Variants in LMBRD1 observed in about 807,000 individuals in gnomAD.
LMBRD1 encodes lysosomal cobalamin transport escort protein LMBD1.
Under a neutral mutation model 74.8 loss-of-function variants are expected in LMBRD1, and 64 were observed. The observed-to-expected ratio is 0.86, with a 90% CI of 0.70 to 1.05. LMBRD1 has a LOEUF of 1.05. Among genes scored for constraint, LMBRD1 ranks in the 50% least tolerant of loss-of-function variants. The probability of loss-of-function intolerance (pLI) is 0.00; values close to 1 mark genes in which losing one functional copy is unlikely to be tolerated. For synonymous variants in LMBRD1, 204 were observed against 216.3 expected (o/e 0.94, Z 0.50); for missense variants, 652 against 645.9 (o/e 1.01, Z -0.10).
chr6:69,682,600 A>C (rs1765686493), intron 14 of LMBRD1, among the ~76,000 whole-genome samples: 1 of 152,016 alleles, frequency 6.6e-6, no homozygotes, highest in Non-Finnish European at 1.5e-5. Context: ...GTATAATCAC[A>C]ATCTGTATAA....
intron 8 of LMBRD1, among the ~76,000 whole-genome samples, chr6:69,717,827 A>C (rs908297689): frequency 7.2e-5 from 11 of 152,110 alleles, no homozygotes; most frequent in Non-Finnish European, 1.5e-4. Flanking sequence ...TCTCCCAAGT[A>C]GTTGGGACTA....
At chr6:69,703,226 TAC>T (rs1562091022) in intron 9 of LMBRD1, among the ~76,000 whole-genome samples, 1 of 152,024 alleles carries the variant, frequency 6.6e-6, no homozygotes, top group Non-Finnish European at 1.5e-5. Flanking sequence ...AAAGGAGTTA[TAC>T]TTTTTTTTCT....
At chr6:69,683,554 C>T (rs1765704692) in intron 14 of LMBRD1, among the ~76,000 whole-genome samples, 1 of 152,050 alleles carries the variant, frequency 6.6e-6, no homozygotes, top group Non-Finnish European at 1.5e-5. Flanking sequence ...TTGTGCTACA[C>T]ATCTTATGGG....
intron 14 of LMBRD1, among the ~76,000 whole-genome samples, chr6:69,690,501 T>C (rs1461155904): frequency 1.3e-5 from 2 of 152,308 alleles, no homozygotes; most frequent in African/African-American, 2.4e-5. Flanking sequence ...ATATGAAATA[T>C]TAGATTTACA....
chr6:69,730,153 C>G (rs528334008), intron 7 of LMBRD1, among the ~76,000 whole-genome samples: 1 of 152,186 alleles, frequency 6.6e-6, no homozygotes, highest in African/African-American at 2.4e-5. Flanking sequence ...AAATCACCAA[C>G]TGTATTTGAA....
rs1305204056 is a variant in LMBRD1 at position 69,701,456 on chromosome 6, G to A, written c.1070C>T (p.Pro357Leu). The change falls in exon 11 of 16, where the codon CCT becomes CTT. Residue 357 changes from proline (P) to leucine (L), a missense_variant. Physicochemically the swap from Pro to Leu is moderately conservative, Grantham distance 98. This residue lies in a region of LMBRD1 where 598 missense variants were observed against 581.8 expected (regional missense o/e 1.03). Transcript: ENST00000649934. Reference protein sequence around the residue: ...NLSNPLNMLLPLLQTVFPLDY... With the variant: ...NLSNPLNMLLLLLQTVFPLDY... ...TATTTTACTTACTGTTTGTAGTAAA[G>A]GCAAAAGCATATTCAGTGGATTACT... 3 of 1,589,392 alleles carry A rather than the reference G, an allele frequency of 1.9e-6. 1 individual carries two copies. In the Middle Eastern group the frequency reaches 5.0e-4, roughly 265 times the overall value.
At chr6:69,716,924 T>C (rs1347499957) in intron 8 of LMBRD1, among the ~76,000 whole-genome samples, 1 of 151,388 alleles carries the variant, frequency 6.6e-6, no homozygotes, top group Non-Finnish European at 1.5e-5. Context: ...TATGTATTTA[T>C]ATGTACAGGC....
intron 7 of LMBRD1, among the ~76,000 whole-genome samples, chr6:69,723,680 A>C (rs1766665690): frequency 6.6e-6 from 1 of 152,106 alleles, no homozygotes; most frequent in African/African-American, 2.4e-5. Flanking sequence ...TAGCAGTAAG[A>C]GGGAAAATTA....
At chr6:69,774,135 C>T (rs976496942) in intron 3 of LMBRD1, among the ~76,000 whole-genome samples, 8 of 152,244 alleles carry the variant, frequency 5.3e-5, no homozygotes, top group South Asian at 2.1e-4. Flanking sequence ...ATCATGGGGA[C>T]GGGTATTTCC....
chr6:69,691,095 G>A (rs1582050494), intron 14 of LMBRD1, among the ~76,000 whole-genome samples: 1 of 145,462 alleles, frequency 6.9e-6, no homozygotes, highest in African/African-American at 2.5e-5. Flanking sequence ...TTCCTTTATT[G>A]CTTCAAACAA....
At chr6:69,772,541 T>C (rs1395540720) in intron 3 of LMBRD1, among the ~76,000 whole-genome samples, 1 of 152,104 alleles carries the variant, frequency 6.6e-6, no homozygotes, top group African/African-American at 2.4e-5. Context: ...AAACAAATTC[T>C]TACGCTACTA....
chr6:69,769,669 T>G (rs1765538562), intron 3 of LMBRD1, among the ~76,000 whole-genome samples: 1 of 152,094 alleles, frequency 6.6e-6, no homozygotes, highest in South Asian at 2.1e-4. Flanking sequence ...TTGGCAGGGT[T>G]AAGTCTATAA....
Position 69,737,945 on chromosome 6 carries a change from G to GT in LMBRD1, c.632dup (p.Tyr211Ter). The change falls in exon 7 of 16, where the codon TAC becomes TAAC. Residue 211 changes from tyrosine to a stop codon, truncating the protein, a stop_gained and frameshift_variant. Transcript: ENST00000649934. LOFTEE classifies it high-confidence loss of function. The stretch of plus-strand genomic sequence containing the variant: ...CAATTATCCCCATTTCACTTACTGT[G>GT]TAAGTTATAGCTGCCAACATTCCAA... ...TLIGMLAAIT[Y>*]TAYGMSALPL... 8 of 1,607,362 alleles carry GT rather than the reference G, an allele frequency of 5.0e-6. No homozygotes were observed. The highest frequency in any genetic ancestry group is 6.8e-6 in the Non-Finnish European group (8 of 1,175,082).
intron 3 of LMBRD1, among the ~76,000 whole-genome samples, chr6:69,776,225 T>A (rs924547904): frequency 6.6e-6 from 1 of 152,238 alleles, no homozygotes; most frequent in African/African-American, 2.4e-5. Context: ...TAGATTTCAA[T>A]GTCATGGAGT....
chr6:69,692,955 T>C (rs1257793849), intron 14 of LMBRD1, among the ~76,000 whole-genome samples: 1 of 152,168 alleles, frequency 6.6e-6, no homozygotes, highest in African/African-American at 2.4e-5. Context: ...TTAAGGTATA[T>C]TGGTCTTTCA....
chr6:69,746,478 C>T (rs1767234507), intron 5 of LMBRD1: 1 of 157,852 alleles, frequency 6.3e-6, no homozygotes, highest in African/African-American at 2.4e-5. Context: ...ATCCCTGCCT[C>T]TGTGTTGCCG....
intron 7 of LMBRD1, among the ~76,000 whole-genome samples, chr6:69,720,242 T>C (rs918931935): frequency 2.0e-5 from 3 of 152,208 alleles, no homozygotes; most frequent in Non-Finnish European, 4.4e-5. Context: ...ACTAGTTCTA[T>C]CATGTAATAT....
chr6:69,782,284 C>T (rs59738216), intron 2 of LMBRD1, among the ~76,000 whole-genome samples: 51,837 of 152,152 alleles, frequency 0.34, 9,848 homozygotes, highest in East Asian at 0.54. Flanking sequence ...CTTTCCCACA[C>T]AGCAGGAGCT....
intron 1 of LMBRD1, among the ~76,000 whole-genome samples, chr6:69,796,518 C>T (rs1340601111): frequency 1.3e-5 from 2 of 152,304 alleles, no homozygotes; most frequent in Admixed American, 1.3e-4. Context: ...CTCTTCCGCC[C>T]CCAAACCCCA....
Sources: allele counts gnomAD v4.1 joint callset (sites outside exome capture counted in the v4.1 genomes callset), GRCh38; gene constraint gnomAD v4.1.1; regional missense constraint gnomAD v4.1.1; transcripts MANE v1.5; gene names NCBI Gene and HGNC (gene_info 2026-07-23, HGNC 2026-07-21).